The following FSD1 variants were observed in gnomAD, a reference collection of about 807,000 sequenced individuals.
FSD1 encodes fibronectin type III and SPRY domain containing 1.
In FSD1, 23 loss-of-function variants were observed where a neutral mutation model predicts 58.2. The ratio of observed to expected loss-of-function variants is 0.40; its 90% CI spans 0.28 to 0.56. FSD1 has a LOEUF of 0.56. Among genes scored for constraint, FSD1 ranks in the 20% least tolerant of loss-of-function variants. The pLI is 0.54. For missense variants in FSD1, 563 were observed against 670.8 expected (o/e 0.84, Z 1.78); for synonymous variants, 265 against 263.4 (o/e 1.01, Z -0.06).
intron 10 of FSD1, among the ~76,000 whole-genome samples, chr19:4,320,162 G>T (rs1971798306): frequency 6.6e-6 from 1 of 152,018 alleles, no homozygotes; most frequent in African/African-American, 2.4e-5. Context: ...GGGAACTTCT[G>T]GCCTCAGCAG....
At chr19:4,313,000 C>G (rs1205884874) in intron 7 of FSD1, among the ~76,000 whole-genome samples, 1 of 151,658 alleles carries the variant, frequency 6.6e-6, no homozygotes, top group Non-Finnish European at 1.5e-5. Flanking sequence ...CCTCCTAGAG[C>G]TGGCGTTCTG....
At chr19:4,315,409 C>T (rs10404458) in intron 7 of FSD1, among the ~76,000 whole-genome samples, 13,546 of 147,278 alleles carry the variant, frequency 0.092, 1,691 homozygotes, top group African/African-American at 0.29. Flanking sequence ...CCCGGGTTCA[C>T]GCCATTCTCC....
chr19:4,318,814 G>A (rs1971783528), intron 9 of FSD1, 58 bp from the exon 10 acceptor site: 2 of 1,378,198 alleles, frequency 1.5e-6, no homozygotes, highest in Admixed American at 1.7e-5. Context: ...GCCTTACCGT[G>A]GGAGAGAGAA....
rs560580171 is a variant in FSD1 at position 4,309,173 on chromosome 19, C to T, written c.346-1100C>T. 6.4e-4 allele frequency among the ~76,000 whole-genome samples: 97 copies of T among 151,796 alleles called. 2 individuals are homozygous for T. The South Asian group carries it at 0.02, about 31-fold the overall frequency. ...TGAAGTGGGAGGATTGTTTGAGCTC[C>T]AGAGTTCAAGGTTACAATGAGCCGT... On this transcript the variant is annotated intron_variant, in intron 4 of 12. Coordinates refer to ENST00000221856, the MANE Select transcript of FSD1 (RefSeq NM_024333.3).
intron 7 of FSD1, 98 bp downstream of exon 7, chr19:4,312,149 C>T: frequency 9.0e-7 from 1 of 1,110,320 alleles, no homozygotes; most frequent in Non-Finnish European, 1.3e-6. Flanking sequence ...GGGACGATCC[C>T]CAAAGCTCAT....
In FSD1 at chr19:4,308,132, G is replaced by A. The variant is rs142261569; in HGVS notation, c.345+149G>A. The A allele has an allele frequency of 1.0e-3, 651 of 629,132 alleles. 5 individuals carry two copies. In the East Asian group the frequency reaches 0.011, roughly 11 times the overall value. The allele number at this position is 629,132 out of a possible 1,614,324, so 39.0% of individuals were successfully genotyped here. ...CTGATACCAAGAAAGTGTCCAGGCC[G>A]GGCACAGTGGCTACGCCTGTAATCC... On this transcript the variant is annotated intron_variant, in intron 4 of 12. Transcript: ENST00000221856.
intron 2 of FSD1, 58 bp downstream of exon 2, chr19:4,306,099 C>T: frequency 1.2e-6 from 2 of 1,602,734 alleles, no homozygotes; most frequent in East Asian, 4.5e-5. Flanking sequence ...CTGGAGGGTG[C>T]AGCCTTAGGA....
chr19:4,322,086 G>A (rs926725145), intron 10 of FSD1, among the ~76,000 whole-genome samples: 3 of 149,832 alleles, frequency 2.0e-5, no homozygotes, highest in African/African-American at 7.4e-5. Flanking sequence ...AGGATTATCG[G>A]GGGGAATAGC....
At chr19:4,305,740 CG>C (rs1971610841) in intron 1 of FSD1, among the ~76,000 whole-genome samples, 2 of 152,172 alleles carry the variant, frequency 1.3e-5, no homozygotes, top group African/African-American at 4.8e-5. Flanking sequence ...GAGGGGAGCG[CG>C]GGTCAGGGAG....
chr19:4,311,452 C>T (rs999300570), intron 6 of FSD1: 2 of 189,380 alleles, frequency 1.1e-5, no homozygotes, highest in African/African-American at 2.4e-5. Context: ...GAGGCCGAGG[C>T]GGGTGGATCA....
intron 7 of FSD1, among the ~76,000 whole-genome samples, chr19:4,312,613 C>G (rs1971706275): frequency 6.6e-6 from 1 of 151,818 alleles, no homozygotes; most frequent in Admixed American, 6.6e-5. Flanking sequence ...ACCATCCTGG[C>G]TAACACGGTG....
At chr19:4,307,340 G>A (rs774688961) in intron 3 of FSD1, among the ~76,000 whole-genome samples, 4 of 152,026 alleles carry the variant, frequency 2.6e-5, no homozygotes, top group Non-Finnish European at 5.9e-5. Flanking sequence ...ACAGGCATGA[G>A]CCTCTGTGCC....
rs757039989 is a variant in FSD1 at position 4,323,128 on chromosome 19, C to G, written c.1182C>G (p.His394Gln). ...LGKTAASWCL[H>Q]VNNWLQVSFT... ...AGACGGCCGCCTCCTGGTGCCTGCA[C>G]GTCAACAATTGGCTGCAGGTCAGCT... Residue 394 changes from histidine to glutamine, a missense_variant, in exon 11 of 13, where the codon CAC becomes CAG. Physicochemically the swap from His to Gln is conservative, Grantham distance 24 (BLOSUM62 0). Transcript: ENST00000221856. The surrounding 1 kb of genome is among the most constrained non-coding windows in gnomAD (Gnocchi z 7.7). 6.2e-7 allele frequency: 1 copy of G among 1,606,346 alleles called. No homozygotes were observed. The highest frequency in any genetic ancestry group is 1.3e-5 in the African/African-American group (1 of 74,882).
intron 10 of FSD1, among the ~76,000 whole-genome samples, chr19:4,321,036 G>A (rs1971809655): frequency 6.7e-6 from 1 of 149,776 alleles, no homozygotes; most frequent in South Asian, 2.1e-4. Flanking sequence ...AGGAGTATCT[G>A]GAGGGGAATC....
intron 10 of FSD1, among the ~76,000 whole-genome samples, chr19:4,320,328 T>G (rs1221744836): frequency 6.6e-6 from 1 of 151,866 alleles, no homozygotes; most frequent in East Asian, 1.9e-4. Flanking sequence ...CTGCCAGAGC[T>G]GAGAACTAGG....
In FSD1 at chr19:4,317,207, G is replaced by A. The variant is rs933034327; in HGVS notation, c.726G>A (p.Met242Ile). The change falls in exon 8 of 13, where the codon ATG becomes ATA. Residue 242 changes from methionine (M) to isoleucine (I), a missense_variant. Coordinates refer to ENST00000221856, the MANE Select transcript of FSD1 (RefSeq NM_024333.3). ...GTCTCAAGTTTGACATGAAATACAT[G>A]AACTTCCGTGTGAAGGCCTGTAACA... Reference protein sequence around the residue: ...LTGLKFDMKYMNFRVKACNKA... With the variant: ...LTGLKFDMKYINFRVKACNKA... The A allele has an allele frequency of 1.2e-6, 2 of 1,611,760 alleles. No homozygotes were observed. Among genetic ancestry groups the A allele is most frequent in the African/African-American group, 2.7e-5 (2 of 74,874 alleles).
chr19:4,317,237 A>C lies in FSD1; in HGVS notation c.756A>C (p.Ala252=). The change falls in exon 8 of 13, where the codon GCA becomes GCC. Residue 252 remains alanine (A), a synonymous_variant. Transcript: ENST00000221856. ...MNFRVKACNK[A]VAGEFSEPVT... is the part of the protein sequence containing the mutation. ...TCCGTGTGAAGGCCTGTAACAAGGC[A>C]GTTGCAGGAGAGTTCTCTGAGCCGG... is the stretch of plus-strand genomic sequence containing the variant. The C allele has an allele frequency of 9.3e-6, 15 of 1,613,070 alleles. No individual in the cohort carries two copies. The highest frequency in any genetic ancestry group is 1.3e-5 in the Non-Finnish European group (15 of 1,179,118).
chr19:4,317,369 G>T (rs1971766494), intron 8 of FSD1, 89 bp downstream of exon 8: 1 of 843,470 alleles, frequency 1.2e-6, no homozygotes, highest in Non-Finnish European at 2.0e-6. Context: ...TCGAAGCAGG[G>T]TTGCCCTGGC....
At chr19:4,311,561 G>C in intron 6 of FSD1, 1 of 384,916 alleles carries the variant, frequency 2.6e-6, no homozygotes, top group Non-Finnish European at 4.9e-6. Context: ...GCTCACGACT[G>C]TAATCCCAGC....
Sources: gnomAD v4.1 joint callset for allele counts (sites outside exome capture counted in the v4.1 genomes callset) on GRCh38, gnomAD v4.1.1 for gene constraint, Gnocchi (gnomAD v3.1) non-coding constraint, MANE v1.5 for transcripts, NCBI Gene and HGNC (gene_info 2026-07-23, HGNC 2026-07-21) for gene names.